Variants in TGIF1 observed in about 807,000 individuals in gnomAD.
The protein encoded by TGIF1 is TGFB induced factor homeobox 1.
A neutral mutation model predicts 19.3 loss-of-function variants in TGIF1; 4 were observed. The ratio of observed to expected loss-of-function variants is 0.21; its 90% CI spans 0.10 to 0.47. TGIF1 has a LOEUF of 0.47. TGIF1 is among the 20% of genes least tolerant of loss of function. TGIF1 has a pLI of 0.98. For missense variants in TGIF1, 275 were observed against 341.4 expected (o/e 0.81, Z 1.53); for synonymous variants, 122 against 129.3 (o/e 0.94, Z 0.38).
upstream of TGIF1, chr18:3,448,161 G>C (rs544929238): frequency 1.0e-5 from 10 of 984,822 alleles, no homozygotes; most frequent in African/African-American, 1.7e-4. Context: ...CGCTTTCGAA[G>C]TTAGCAAACA....
chr18:3,452,608 A>T (rs2083010759), intron 1 of TGIF1, among the ~76,000 whole-genome samples: 1 of 151,730 alleles, frequency 6.6e-6, no homozygotes, highest in Non-Finnish European at 1.5e-5. Flanking sequence ...GGCCTGTTTC[A>T]CTTGAGGCCG....
chr18:3,413,463 G>A lies in TGIF1; in HGVS notation c.-118+1209G>A, dbSNP rs571124637. On this transcript the variant is annotated intron_variant, in intron 1 of 3. Transcript: ENST00000401449. ...ATCTTTATAATATTGAAACTTTCAGGAAAATGATAGTTTCCTTTGCTTATT... is the reference window on the plus strand; with the variant it reads ...ATCTTTATAATATTGAAACTTTCAGAAAAATGATAGTTTCCTTTGCTTATT... Among the ~76,000 whole-genome samples the A allele has an allele frequency of 3.9e-5, 6 of 152,228 alleles. No homozygotes were observed. In the East Asian group the frequency reaches 1.2e-3, roughly 29 times the overall value.
chr18:3,443,000 A>G (rs181798105), intron 2 of TGIF1, among the ~76,000 whole-genome samples: 3 of 152,226 alleles, frequency 2.0e-5, no homozygotes, highest in Non-Finnish European at 4.4e-5. Flanking sequence ...GGCAATATCT[A>G]TCAAAATTCT....
In TGIF1 at chr18:3,457,061, C is replaced by A; in HGVS notation, c.244-304C>A. The A allele has an allele frequency of 1.8e-6, 1 of 557,012 alleles. No homozygotes were observed. 34.5% of individuals were successfully genotyped at this position (557,012 alleles called of 1,614,324 possible). On this transcript the variant is annotated intron_variant, in intron 2 of 2. Coordinates refer to ENST00000343820, the MANE Select transcript of TGIF1 (RefSeq NM_003244.4). This position sits in a 1 kb window ranked among gnomAD's most constrained non-coding sequence, Gnocchi z 4.9. Reference sequence around the variant, plus strand: ...AAAATGGGGAGAGTTAAAAAGTAAACCTCTCTCTCAAATCATTTTTAAGCA... The same window carrying A: ...AAAATGGGGAGAGTTAAAAAGTAAAACTCTCTCTCAAATCATTTTTAAGCA...
chr18:3,441,156 G>C (rs1219995424), intron 2 of TGIF1, among the ~76,000 whole-genome samples: 1 of 151,954 alleles, frequency 6.6e-6, no homozygotes, highest in African/African-American at 2.4e-5. Context: ...TCTTTTCTAC[G>C]GTTTGTATAA....
chr18:3,416,704 G>A (rs369105208), intron 1 of TGIF1, among the ~76,000 whole-genome samples: 8 of 151,988 alleles, frequency 5.3e-5, no homozygotes, highest in African/African-American at 1.9e-4. Flanking sequence ...GCCAAGAGGG[G>A]GCAGATAACC....
intron 1 of TGIF1, chr18:3,453,873 G>A: frequency 1.0e-6 from 1 of 981,748 alleles, no homozygotes; most frequent in Non-Finnish European, 1.2e-6. Context: ...AAAGCAAGAC[G>A]TTTGGAAACA....
intron 2 of TGIF1, among the ~76,000 whole-genome samples, chr18:3,434,237 A>G (rs1194350943): frequency 1.3e-5 from 2 of 152,080 alleles, no homozygotes; most frequent in African/African-American, 4.8e-5. Flanking sequence ...TAAAAATACA[A>G]AAATTAGCTG....
At chr18:3,442,112 A>G (rs1277666898) in intron 2 of TGIF1, among the ~76,000 whole-genome samples, 1 of 152,198 alleles carries the variant, frequency 6.6e-6, no homozygotes, top group Non-Finnish European at 1.5e-5. Flanking sequence ...TCACTATTGG[A>G]TCTTGCTAGA....
At chr18:3,438,615 A>ACACACACACACACACACACACACG in intron 2 of TGIF1, among the ~76,000 whole-genome samples, 1 of 151,720 alleles carries the variant, frequency 6.6e-6, no homozygotes, top group Non-Finnish European at 1.5e-5. Context: ...ACACACACAC[A>ACACACACACACACACACACACACG]CACACACACA....
rs754050911 is a variant in TGIF1, at chr18:3,457,595, T to C, written c.474T>C (p.Pro158=). ...CAACCCTAGGGAGGCCACTGTCTCC[T>C]AAGCCGTCATCCCCGGGATCAGTTT... ...PNPTLGRPLS[P]KPSSPGSVLA... The change falls in exon 3 of 3, where the codon CCT becomes CCC. Residue 158 remains proline, a synonymous_variant. Coordinates refer to ENST00000343820, the MANE Select transcript of TGIF1 (RefSeq NM_003244.4). This position sits in a 1 kb window ranked among gnomAD's most constrained non-coding sequence, Gnocchi z 4.9. 1.2e-6 allele frequency: 2 copies of C among 1,614,248 alleles called. No homozygotes were observed. Among genetic ancestry groups the C allele is most frequent in the Non-Finnish European group, 1.7e-6 (2 of 1,180,034 alleles).
chr18:3,413,336 C>T (rs2082293863), intron 1 of TGIF1, among the ~76,000 whole-genome samples: 1 of 152,182 alleles, frequency 6.6e-6, no homozygotes, highest in Admixed American at 6.5e-5. Flanking sequence ...CTACCATTAT[C>T]TCATTTGCCA....
At position 3,456,605 on chromosome 18, in the gene TGIF1, A is replaced by C. The variant is rs1451725313; in HGVS notation, c.243+25A>C. 6.2e-7 allele frequency: 1 copy of C among 1,605,580 alleles called. No individual in the cohort carries two copies. Among genetic ancestry groups the C allele is most frequent in the South Asian group, 1.1e-5 (1 of 90,916 alleles). On this transcript the variant is annotated intron_variant, in intron 2 of 2. Transcript: ENST00000343820. The surrounding 1 kb of genome is among the most constrained non-coding windows in gnomAD (Gnocchi z 4.2). ...GGTAAAGAAAGAGAGCGTGAGGTTT[A>C]TGGATGCATTTTTAGTTTCAAAGTC... is the stretch of plus-strand genomic sequence containing the variant.
At chr18:3,422,042 A>G (rs2082405472) in intron 2 of TGIF1, among the ~76,000 whole-genome samples, 1 of 151,984 alleles carries the variant, frequency 6.6e-6, no homozygotes, top group South Asian at 2.1e-4. Flanking sequence ...AAAAATACAA[A>G]AATTAATTGG....
chr18:3,445,463 G>A (rs968006198), upstream of TGIF1, among the ~76,000 whole-genome samples: 106 of 151,908 alleles, frequency 7.0e-4, no homozygotes, highest in Non-Finnish European at 1.3e-3. Context: ...AGTGGCTCAC[G>A]CCTGTAATCC....
chr18:3,447,924 A>T, upstream of TGIF1: 1 of 1,466,604 alleles, frequency 6.8e-7, no homozygotes, highest in Non-Finnish European at 9.4e-7. Context: ...CTCGGTTCCC[A>T]TCTCGGTTGC....
intron 2 of TGIF1, among the ~76,000 whole-genome samples, chr18:3,428,808 A>C (rs542581650): frequency 6.6e-6 from 1 of 152,216 alleles, no homozygotes; most frequent in African/African-American, 2.4e-5. Flanking sequence ...TTGGGAGGCC[A>C]AGGTGGGCAG....
chr18:3,431,995 G>T (rs1034727619), intron 2 of TGIF1, among the ~76,000 whole-genome samples: 5 of 152,036 alleles, frequency 3.3e-5, no homozygotes, highest in Non-Finnish European at 2.9e-5. Context: ...GGGCATGGTG[G>T]TACACACCTG....
In TGIF1 at chr18:3,450,440, T is replaced by C; in HGVS notation, c.-50T>C. On this transcript the variant is annotated 5_prime_UTR_variant, in exon 1 of 3. Transcript: ENST00000343820. ...CGCTTATCCCCTGTGTCCCCGCTCC[T>C]GGCCCCTCCAGACCCCCGCCTTGCC... 1 of 1,552,530 alleles carries C rather than the reference T, an allele frequency of 6.4e-7. No homozygotes were observed. Among genetic ancestry groups the C allele is most frequent in the Non-Finnish European group, 8.7e-7 (1 of 1,147,728 alleles).
Sources: gnomAD v4.1 joint callset for allele counts (sites outside exome capture counted in the v4.1 genomes callset) on GRCh38, gnomAD v4.1.1 for gene constraint, Gnocchi (gnomAD v3.1) non-coding constraint, MANE v1.5 for transcripts, NCBI Gene and HGNC (gene_info 2026-07-23, HGNC 2026-07-21) for gene names.